The following P4HA1 variants were observed in gnomAD, a reference collection of about 807,000 sequenced individuals.
The protein encoded by P4HA1 is prolyl 4-hydroxylase subunit alpha-1.
In P4HA1, 24 loss-of-function variants were observed where a neutral mutation model predicts 72.8. That is an observed-to-expected ratio of 0.33 (90% CI 0.24 to 0.46). The LOEUF (loss-of-function observed/expected upper bound fraction) is 0.46. Among genes scored for constraint, P4HA1 ranks in the 20% least tolerant of loss-of-function variants. The probability of loss-of-function intolerance (pLI) is 1.00; values close to 1 mark genes in which losing one functional copy is unlikely to be tolerated. For missense variants in P4HA1, 446 were observed against 640.6 expected (o/e 0.70, Z 3.28); for synonymous variants, 201 against 218.8 (o/e 0.92, Z 0.72).
chr10:73,067,157 C>T (rs1220854116), intron 5 of P4HA1, among the ~76,000 whole-genome samples: 1 of 152,176 alleles, frequency 6.6e-6, no homozygotes, highest in Non-Finnish European at 1.5e-5. Flanking sequence ...GCATGAGCCA[C>T]CATGCCAGCC....
At chr10:73,075,029 T>C (rs892817142) in intron 1 of P4HA1, 114 bp from the exon 2 acceptor site, 7 of 560,414 alleles carry the variant, frequency 1.2e-5, no homozygotes, top group Admixed American at 6.8e-5. Context: ...GCCCATAAAA[T>C]TGATGTTAGT....
At position 73,025,038 on chromosome 10, in the gene P4HA1, G is replaced by A. The variant is rs529366959; in HGVS notation, c.1248+5233C>T. 1.7e-4 allele frequency among the ~76,000 whole-genome samples: 26 copies of A among 152,168 alleles called. No homozygotes were observed. The East Asian group carries it at 2.3e-3, about 14-fold the overall frequency. On this transcript the variant is annotated intron_variant, in intron 10 of 14. Coordinates refer to ENST00000394890, the MANE Select transcript of P4HA1 (RefSeq NM_001017962.3). ...TTCAGGACCAGATGGATTCACAGCC[G>A]AATTCTATCAGAGGTACTAAGAGGA...
In P4HA1 at chr10:73,073,730, C is replaced by A; in HGVS notation, c.173+1G>T. On this transcript the variant is annotated splice_donor_variant, in intron 3 of 14. Coordinates refer to ENST00000394890, the MANE Select transcript of P4HA1 (RefSeq NM_001017962.3). LOFTEE classifies it high-confidence loss of function. ...TCATAATAAGCAAACATTTTGCTTA[C>A]TTTTTTATTTGTTCTAACTTGTCCT... is the stretch of plus-strand genomic sequence containing the variant. 7.1e-7 allele frequency: 1 copy of A among 1,401,504 alleles called. No homozygotes were observed. The highest frequency in any genetic ancestry group is 1.0e-6 in the Non-Finnish European group (1 of 986,778). The allele number at this position is 1,401,504 out of a possible 1,614,324, so 86.8% of individuals were successfully genotyped here.
chr10:73,053,080 T>C (rs991229872), intron 6 of P4HA1, among the ~76,000 whole-genome samples: 2 of 152,166 alleles, frequency 1.3e-5, no homozygotes, highest in Admixed American at 1.3e-4. Context: ...TAAACAAACA[T>C]TTTTGACTTA....
At chr10:73,075,974 C>T (rs1469453876) in intron 1 of P4HA1, among the ~76,000 whole-genome samples, 1 of 152,034 alleles carries the variant, frequency 6.6e-6, no homozygotes, top group South Asian at 2.1e-4. Flanking sequence ...GGCACAGTGG[C>T]AGGTGCCTGG....
chr10:73,032,161 A>G (rs879473964), intron 9 of P4HA1, among the ~76,000 whole-genome samples: 4 of 152,200 alleles, frequency 2.6e-5, no homozygotes, highest in Non-Finnish European at 1.5e-5. Context: ...CTCAGTAGAT[A>G]ATGTATTTCC....
chr10:73,069,887 T>C (rs1190055337), intron 4 of P4HA1, among the ~76,000 whole-genome samples: 1 of 151,368 alleles, frequency 6.6e-6, no homozygotes, highest in Non-Finnish European at 1.5e-5. Flanking sequence ...CTCAGCTTAC[T>C]GCAACCTCCA....
intron 9 of P4HA1, among the ~76,000 whole-genome samples, chr10:73,037,612 C>T (rs1840629731): frequency 8.2e-6 from 1 of 121,306 alleles, no homozygotes; most frequent in Non-Finnish European, 1.6e-5. Flanking sequence ...AGATAAGTCA[C>T]ACCCCAAAGT....
intron 5 of P4HA1, among the ~76,000 whole-genome samples, chr10:73,066,698 G>A (rs1425445743): frequency 6.6e-6 from 1 of 152,072 alleles, no homozygotes; most frequent in Non-Finnish European, 1.5e-5. Flanking sequence ...CACCTATCAA[G>A]GGCGGGACAA....
At chr10:73,090,766 G>C (rs1019716817) in intron 1 of P4HA1, among the ~76,000 whole-genome samples, 2 of 151,974 alleles carry the variant, frequency 1.3e-5, no homozygotes, top group African/African-American at 4.8e-5. Context: ...TGAGGTTAAA[G>C]GAAGTAACTG....
At position 73,076,961 on chromosome 10, in the gene P4HA1, C is replaced by G. The variant is rs1160526310; in HGVS notation, c.-32-2046G>C. ...AACTTGAATCTCAATAAAAACAGAT[C>G]ACCACAAAAACTGGAAGTACTCCCT... On this transcript the variant is annotated intron_variant, in intron 1 of 14. Transcript: ENST00000394890. Among the ~76,000 whole-genome samples the G allele has an allele frequency of 2.0e-5, 3 of 152,212 alleles. No homozygotes were observed. The East Asian group carries it at 5.8e-4, about 29-fold the overall frequency.
chr10:73,071,533 A>T (rs367568265), intron 4 of P4HA1, among the ~76,000 whole-genome samples: 1 of 152,118 alleles, frequency 6.6e-6, no homozygotes, highest in South Asian at 2.1e-4. Context: ...TATCTAAAAC[A>T]TTTCAATGCT....
intron 10 of P4HA1, among the ~76,000 whole-genome samples, chr10:73,029,031 A>G (rs892438361): frequency 3.9e-5 from 6 of 151,920 alleles, no homozygotes; most frequent in Non-Finnish European, 7.4e-5. Context: ...ACTGTCTCAA[A>G]AAGAAAAAGA....
intron 8 of P4HA1, among the ~76,000 whole-genome samples, chr10:73,045,922 A>T (rs1840850488): frequency 1.3e-5 from 2 of 151,972 alleles, no homozygotes; most frequent in South Asian, 4.1e-4. Flanking sequence ...ACTCTAAAAG[A>T]AATTCTAACT....
At chr10:73,019,638 G>A (rs1840087510) in intron 10 of P4HA1, among the ~76,000 whole-genome samples, 1 of 149,124 alleles carries the variant, frequency 6.7e-6, no homozygotes, top group Non-Finnish European at 1.5e-5. Context: ...GCTGAGGCAG[G>A]AGAATCGCTT....
intron 5 of P4HA1, among the ~76,000 whole-genome samples, chr10:73,064,519 T>C (rs950496301): frequency 7.0e-6 from 1 of 141,892 alleles, no homozygotes; most frequent in Non-Finnish European, 1.5e-5. Flanking sequence ...TATAATATCA[T>C]AGGCACTATA....
At chr10:73,068,747 A>G in intron 5 of P4HA1, 99 bp downstream of exon 5, 1 of 988,422 alleles carries the variant, frequency 1.0e-6, no homozygotes, top group Non-Finnish European at 1.5e-6. Flanking sequence ...ACAATTTAAA[A>G]TCTTAAAATG....
chr10:73,022,308 G>A (rs1317269062), intron 10 of P4HA1, among the ~76,000 whole-genome samples: 1 of 152,164 alleles, frequency 6.6e-6, no homozygotes, highest in Non-Finnish European at 1.5e-5. Context: ...GGATCAGGCA[G>A]CAATATTTGC....
At chr10:73,078,097 C>T (rs1254752347) in intron 1 of P4HA1, among the ~76,000 whole-genome samples, 1 of 110,040 alleles carries the variant, frequency 9.1e-6, no homozygotes, top group South Asian at 3.3e-4. Context: ...ACCTTTAAAA[C>T]TCAAACTAGA....
Sources: gnomAD v4.1 joint callset for allele counts (sites outside exome capture counted in the v4.1 genomes callset) on GRCh38, gnomAD v4.1.1 for gene constraint, MANE v1.5 for transcripts, NCBI Gene and HGNC (gene_info 2026-07-23, HGNC 2026-07-21) for gene names.